Variants in MME observed in about 807,000 individuals in gnomAD.
MME encodes membrane metalloendopeptidase.
A neutral mutation model predicts 113.2 loss-of-function variants in MME; 98 were observed. That is an observed-to-expected ratio of 0.87 (90% CI 0.74 to 1.02). MME has a LOEUF of 1.02. MME is among the 50% of genes least tolerant of loss of function. MME has a pLI of 0.00. For missense variants in MME, 836 were observed against 896.0 expected, an observed-to-expected ratio of 0.93 and a Z score of 0.86; for synonymous variants, 292 against 300.6, an observed-to-expected ratio of 0.97 and a Z score of 0.30.
At chr3:155,146,085 T>C (rs1401156570) in intron 14 of MME, among the ~76,000 whole-genome samples, 1 of 151,848 alleles carries the variant, frequency 6.6e-6, no homozygotes, top group Admixed American at 6.6e-5. Context: ...TGATACGAAG[T>C]GGTAAAATCA....
At chr3:155,043,589 C>T (rs1160000783) in intron 1 of MME, among the ~76,000 whole-genome samples, 11 of 152,108 alleles carry the variant, frequency 7.2e-5, no homozygotes, top group Non-Finnish European at 1.5e-4. Flanking sequence ...GCCTTGGCCT[C>T]ACGAAGTGCT....
At chr3:155,075,956 G>T (rs1714734733), upstream of MME, among the ~76,000 whole-genome samples, 1 of 152,064 alleles carries the variant, frequency 6.6e-6, no homozygotes, top group African/African-American at 2.4e-5. Flanking sequence ...TATTTATGTT[G>T]TTACTATATT....
At chr3:155,149,261 G>A (rs1260352430) in intron 16 of MME, among the ~76,000 whole-genome samples, 1 of 151,916 alleles carries the variant, frequency 6.6e-6, no homozygotes, top group African/African-American at 2.4e-5. Context: ...ATATTTATCA[G>A]CATATGTGTT....
chr3:155,119,319 G>A (rs994220783), intron 8 of MME, among the ~76,000 whole-genome samples: 3 of 151,844 alleles, frequency 2.0e-5, no homozygotes, highest in African/African-American at 7.3e-5. Context: ...TAGCCAGTGG[G>A]CATCATATCC....
intron 8 of MME, among the ~76,000 whole-genome samples, chr3:155,127,017 A>G (rs1189951967): frequency 6.6e-6 from 1 of 151,900 alleles, no homozygotes; most frequent in African/African-American, 2.4e-5. Context: ...CAAAAAAAAA[A>G]AAAAAAAAGA....
At chr3:155,060,829 CAGAG>C (rs138935329) in intron 1 of MME, among the ~76,000 whole-genome samples, 3,511 of 137,438 alleles carry the variant, frequency 0.026, 102 homozygotes, top group East Asian at 0.16. Flanking sequence ...TGCAGAGAGG[CAGAG>C]AGAGAGAGAG....
intron 3 of MME, among the ~76,000 whole-genome samples, chr3:155,106,022 G>T (rs1010803345): frequency 1.3e-5 from 2 of 151,966 alleles, no homozygotes; most frequent in African/African-American, 4.8e-5. Context: ...TAAGACCTAT[G>T]GATTTAAGAT....
At chr3:155,164,458 C>T (rs1722947105) in intron 17 of MME, among the ~76,000 whole-genome samples, 1 of 152,096 alleles carries the variant, frequency 6.6e-6, no homozygotes, top group South Asian at 2.1e-4. Context: ...GGGGAAAATC[C>T]TCCTTACAGA....
chr3:155,098,545 G>A (rs568792580), intron 3 of MME, among the ~76,000 whole-genome samples: 6 of 144,178 alleles, frequency 4.2e-5, no homozygotes, highest in Non-Finnish European at 9.4e-5. Context: ...GGCAGAGTGA[G>A]ATTCTGTCTC....
In MME at chr3:155,127,879, C is replaced by A. The variant is rs568326263; in HGVS notation, c.720+9068C>A. Reference sequence around the variant, plus strand: ...GTTGGTACTTCATACTAGTAGAGTTCTTTGAATGAGCAAATGATAGAAGAA... The same window carrying A: ...GTTGGTACTTCATACTAGTAGAGTTATTTGAATGAGCAAATGATAGAAGAA... On this transcript the variant is annotated intron_variant, in intron 8 of 22. Coordinates refer to ENST00000360490, the MANE Select transcript of MME (RefSeq NM_007289.4). Among the ~76,000 whole-genome samples the A allele has an allele frequency of 8.5e-5, 13 of 152,322 alleles. No homozygotes were observed. In the East Asian group the frequency reaches 1.2e-3, roughly 14 times the overall value.
At chr3:155,137,634 A>G (rs1370027598) in intron 8 of MME, among the ~76,000 whole-genome samples, 4 of 152,140 alleles carry the variant, frequency 2.6e-5, no homozygotes, top group African/African-American at 7.2e-5. Context: ...TGAACCATAG[A>G]GATGTAGGTT....
chr3:155,134,311 C>A (rs1018995052), intron 8 of MME, among the ~76,000 whole-genome samples: 1 of 152,054 alleles, frequency 6.6e-6, no homozygotes, highest in African/African-American at 2.4e-5. Context: ...CTCTATTAAT[C>A]CTCAGCATCT....
chr3:155,141,153 G>A (rs1284794281), intron 10 of MME, among the ~76,000 whole-genome samples: 1 of 152,112 alleles, frequency 6.6e-6, no homozygotes, highest in Non-Finnish European at 1.5e-5. Flanking sequence ...ATTCTCTTTG[G>A]CACTAATTCT....
intron 22 of MME, among the ~76,000 whole-genome samples, chr3:155,179,895 T>G (rs573153103): frequency 1.4e-4 from 21 of 152,336 alleles, no homozygotes; most frequent in Non-Finnish European, 2.9e-4. Context: ...AAGTCTATTA[T>G]ATTTAAGTCA....
chr3:155,102,862 T>C (rs1308347487), intron 3 of MME, among the ~76,000 whole-genome samples: 1 of 152,136 alleles, frequency 6.6e-6, no homozygotes, highest in East Asian at 1.9e-4. Flanking sequence ...TACCTCTTCC[T>C]CCTTTATCCC....
chr3:155,048,655 C>T (rs1451699853), intron 1 of MME, among the ~76,000 whole-genome samples: 3 of 151,954 alleles, frequency 2.0e-5, no homozygotes, highest in Non-Finnish European at 1.5e-5. Flanking sequence ...ATTCTTTGTC[C>T]TTGAAGTTTA....
chr3:155,180,087 T>A (rs61760453), intron 22 of MME, among the ~76,000 whole-genome samples: 1 of 152,234 alleles, frequency 6.6e-6, no homozygotes, highest in Non-Finnish European at 1.5e-5. Flanking sequence ...TGTTCTATTG[T>A]GCAGAAACCA....
At chr3:155,060,537 G>C (rs1714096550) in intron 1 of MME, among the ~76,000 whole-genome samples, 1 of 152,006 alleles carries the variant, frequency 6.6e-6, no homozygotes, top group South Asian at 2.1e-4. Flanking sequence ...TGATGGAGCA[G>C]AAGTTCTGAG....
intron 3 of MME, among the ~76,000 whole-genome samples, chr3:155,098,825 T>G (rs917643792): frequency 6.6e-6 from 1 of 152,096 alleles, no homozygotes; most frequent in Non-Finnish European, 1.5e-5. Context: ...CAAGAAATTC[T>G]TAAGCTAGAG....
Sources: allele counts gnomAD v4.1 joint callset (sites outside exome capture counted in the v4.1 genomes callset), GRCh38; gene constraint gnomAD v4.1.1; transcripts MANE v1.5; gene names NCBI Gene and HGNC (gene_info 2026-07-23, HGNC 2026-07-21).